The following PCSK2 variants were observed in gnomAD, a reference collection of about 807,000 sequenced individuals.
PCSK2 encodes the protein neuroendocrine convertase 2.
In PCSK2, 14 loss-of-function variants were observed where a neutral mutation model predicts 69.7. The observed-to-expected ratio is 0.20, with a 90% CI of 0.13 to 0.31. The LOEUF (loss-of-function observed/expected upper bound fraction) is 0.31, where lower values mean the gene tolerates loss of function less well. PCSK2 is among the 10% of genes least tolerant of loss of function. The pLI is 1.00. For synonymous variants in PCSK2, 307 were observed against 320.7 expected, an observed-to-expected ratio of 0.96 and a Z score of 0.46; for missense variants, 544 against 842.5, an observed-to-expected ratio of 0.65 and a Z score of 4.39.
intron 10 of PCSK2, among the ~76,000 whole-genome samples, chr20:17,462,191 C>T (rs1247420354): frequency 6.6e-6 from 1 of 151,942 alleles, no homozygotes; most frequent in Non-Finnish European, 1.5e-5. Context: ...AGGAAGCTCT[C>T]CCCTGAACGA....
intron 8 of PCSK2, among the ~76,000 whole-genome samples, chr20:17,443,309 G>T (rs992593847): frequency 6.6e-6 from 1 of 152,194 alleles, no homozygotes; most frequent in African/African-American, 2.4e-5. Context: ...ACACAATGCG[G>T]TTTACAGAGA....
chr20:17,242,952 T>C (rs553280380), intron 1 of PCSK2, among the ~76,000 whole-genome samples: 2 of 152,352 alleles, frequency 1.3e-5, no homozygotes, highest in Admixed American at 6.5e-5. Flanking sequence ...TATGATTTTC[T>C]GTGCATCCAT....
chr20:17,411,624 A>T (rs1600558552), intron 6 of PCSK2, among the ~76,000 whole-genome samples: 1 of 152,230 alleles, frequency 6.6e-6, no homozygotes, highest in South Asian at 2.1e-4. Context: ...GCTTCTGCAG[A>T]CTTAAACGCC....
chr20:17,247,656 T>C (rs898308456), intron 1 of PCSK2, among the ~76,000 whole-genome samples: 2 of 152,308 alleles, frequency 1.3e-5, no homozygotes, highest in Non-Finnish European at 2.9e-5. Flanking sequence ...TAATAAGCAG[T>C]AGACTCTCCT....
intron 8 of PCSK2, among the ~76,000 whole-genome samples, chr20:17,446,596 T>A (rs2032703035): frequency 6.6e-6 from 1 of 152,182 alleles, no homozygotes; most frequent in Non-Finnish European, 1.5e-5. Context: ...GTTAGGTAGC[T>A]CAAGAGGTAA....
At position 17,453,960 on chromosome 20, in the gene PCSK2, G is replaced by A; in HGVS notation, c.1101+3G>A. ...AAAGGAACCCCGAGGCCGGTGTGGT[G>A]AGCACGTCCCCTTCTGTCCTTGTTT... is the stretch of plus-strand genomic sequence containing the variant. On this transcript the variant is annotated splice_donor_region_variant and intron_variant, in intron 9 of 11. Transcript: ENST00000262545. This position sits in a 1 kb window ranked among gnomAD's most constrained non-coding sequence, Gnocchi z 4.0. 1 of 1,614,118 alleles carries A rather than the reference G, an allele frequency of 6.2e-7. No homozygotes were observed. Among genetic ancestry groups the A allele is most frequent in the South Asian group, 1.1e-5 (1 of 91,058 alleles).
chr20:17,253,493 G>A (rs1987067759), intron 1 of PCSK2, among the ~76,000 whole-genome samples: 1 of 152,126 alleles, frequency 6.6e-6, no homozygotes, highest in South Asian at 2.1e-4. Context: ...CTTTAACTTA[G>A]CATTAAGTTT....
chr20:17,375,089 C>G (rs376808013), intron 5 of PCSK2, among the ~76,000 whole-genome samples: 27 of 152,232 alleles, frequency 1.8e-4, no homozygotes, highest in East Asian at 7.7e-4. Flanking sequence ...GCAAGGTATC[C>G]TTGAGATAAT....
intron 6 of PCSK2, among the ~76,000 whole-genome samples, chr20:17,426,807 G>T (rs1350730211): frequency 6.6e-6 from 1 of 152,150 alleles, no homozygotes; most frequent in Non-Finnish European, 1.5e-5. Context: ...TGAGGCCCAC[G>T]CACATTATGG....
chr20:17,404,582 G>A (rs1377031605), intron 5 of PCSK2, among the ~76,000 whole-genome samples: 1 of 152,204 alleles, frequency 6.6e-6, no homozygotes, highest in Non-Finnish European at 1.5e-5. Flanking sequence ...CAGCTAGCAT[G>A]AGACACAGGA....
intron 2 of PCSK2, among the ~76,000 whole-genome samples, chr20:17,302,780 A>G (rs1328925728): frequency 6.6e-6 from 1 of 152,206 alleles, no homozygotes; most frequent in Admixed American, 6.5e-5. Flanking sequence ...GTTGTTATTC[A>G]GTACTGGTTA....
intron 4 of PCSK2, among the ~76,000 whole-genome samples, chr20:17,365,217 G>A (rs1050703838): frequency 4.9e-4 from 74 of 152,216 alleles, no homozygotes; most frequent in African/African-American, 1.8e-3. Context: ...TCCTGTGGAG[G>A]GGACAAACAC....
At chr20:17,284,627 C>T (rs1223916414) in intron 2 of PCSK2, among the ~76,000 whole-genome samples, 1 of 152,198 alleles carries the variant, frequency 6.6e-6, no homozygotes, top group Non-Finnish European at 1.5e-5. Flanking sequence ...GGTTGGCTTT[C>T]TAGACAGAGA....
rs76882997 is a variant in PCSK2 at position 17,313,026 on chromosome 20, G to A, written c.283-45301G>A. On this transcript the variant is annotated intron_variant, in intron 2 of 11. Coordinates refer to ENST00000262545, the MANE Select transcript of PCSK2 (RefSeq NM_002594.5). Reference sequence around the variant, plus strand: ...GCTATCCACTAGAAATATAAAGGAAGCCACATAGGTGATCTTAAATTTTCT... The same window carrying A: ...GCTATCCACTAGAAATATAAAGGAAACCACATAGGTGATCTTAAATTTTCT... 7.7e-3 allele frequency among the ~76,000 whole-genome samples: 1,173 copies of A among 152,234 alleles called. 33 individuals carry two copies. The East Asian group carries it at 0.086, about 11-fold the overall frequency.
At position 17,358,251 on chromosome 20, in the gene PCSK2, G is replaced by A. The variant is rs1004733603; in HGVS notation, c.283-76G>A. 3 of 907,796 alleles carry A rather than the reference G, an allele frequency of 3.3e-6. No individual in the cohort carries two copies. The Admixed American group carries it at 5.6e-5, about 17-fold the overall frequency. The allele number at this position is 907,796 out of a possible 1,614,324, so 56.2% of individuals were successfully genotyped here. On this transcript the variant is annotated intron_variant, in intron 2 of 11. Transcript: ENST00000262545. ...TACACCTGATATACAAATGAAATTT[G>A]GATTCATGGAAACAAATTCCAGAAG... is the stretch of plus-strand genomic sequence containing the variant.
chr20:17,450,522 T>C (rs2032803051), intron 8 of PCSK2, among the ~76,000 whole-genome samples: 1 of 152,204 alleles, frequency 6.6e-6, no homozygotes, highest in Admixed American at 6.5e-5. Context: ...GGTTTAGATG[T>C]GAGCCATAGT....
chr20:17,410,081 T>C (rs1337404125), intron 6 of PCSK2, among the ~76,000 whole-genome samples: 1 of 152,210 alleles, frequency 6.6e-6, no homozygotes, highest in Non-Finnish European at 1.5e-5. Context: ...CATATGAACT[T>C]CAATTAGTTG....
intron 2 of PCSK2, among the ~76,000 whole-genome samples, chr20:17,345,580 A>G (rs372754943): frequency 1.3e-5 from 2 of 152,238 alleles, no homozygotes; most frequent in Admixed American, 6.5e-5. Context: ...ATTTATTTAC[A>G]AAAGCAGTCA....
chr20:17,449,243 G>A (rs2032758626), intron 8 of PCSK2, among the ~76,000 whole-genome samples: 1 of 152,108 alleles, frequency 6.6e-6, no homozygotes, highest in South Asian at 2.1e-4. Flanking sequence ...GGATTAGGGT[G>A]GAGACCCCGC....
Sources: gnomAD v4.1 joint callset for allele counts (sites outside exome capture counted in the v4.1 genomes callset) on GRCh38, gnomAD v4.1.1 for gene constraint, Gnocchi (gnomAD v3.1) non-coding constraint, MANE v1.5 for transcripts, NCBI Gene and HGNC (gene_info 2026-07-23, HGNC 2026-07-21) for gene names.